ACTN2: variants seen among roughly 807,000 people sequenced by gnomAD.
The protein encoded by ACTN2 is actinin alpha 2.
In ACTN2, 39 loss-of-function variants were observed where a neutral mutation model predicts 113.8. The observed-to-expected ratio is 0.34, with a 90% CI of 0.27 to 0.45. The LOEUF (loss-of-function observed/expected upper bound fraction) is 0.45. ACTN2 is among the 20% of genes least tolerant of loss of function. The probability of loss-of-function intolerance (pLI) is 1.00; values close to 1 mark genes in which losing one functional copy is unlikely to be tolerated. For synonymous variants in ACTN2, 429 were observed against 444.1 expected (o/e 0.97, Z 0.43); for missense variants, 992 against 1,177.9 (o/e 0.84, Z 2.31).
At chr1:236,735,925 A>G (rs1658860698) in intron 8 of ACTN2, among the ~76,000 whole-genome samples, 1 of 152,074 alleles carries the variant, frequency 6.6e-6, no homozygotes, top group Admixed American at 6.5e-5. Flanking sequence ...AAATGTTTTT[A>G]TGTGTTTTAC....
At position 236,745,783 on chromosome 1, in the gene ACTN2, A is replaced by C. The variant is rs180813505; in HGVS notation, c.1406+1007A>C. 1.2e-3 allele frequency among the ~76,000 whole-genome samples: 181 copies of C among 152,280 alleles called. 1 individual carries two copies. Among genetic ancestry groups the C allele is most frequent in the African/African-American group, 4.1e-3 (170 of 41,554 alleles). ...TCCCCACCATTATAATCACTGATAC[A>C]TCTGTAGAATGTTTAGAGCCTGTCA... On this transcript the variant is annotated intron_variant, in intron 12 of 20. Coordinates refer to ENST00000366578, the MANE Select transcript of ACTN2 (RefSeq NM_001103.4).
intron 1 of ACTN2, among the ~76,000 whole-genome samples, chr1:236,713,097 A>G (rs1462437155): frequency 3.9e-5 from 6 of 152,106 alleles, no homozygotes; most frequent in African/African-American, 1.2e-4. Flanking sequence ...CAACCCAAAT[A>G]TTCGTTCATA....
chr1:236,760,923 G>A, intron 19 of ACTN2, 92 bp from the exon 20 acceptor site: 2 of 1,510,162 alleles, frequency 1.3e-6, no homozygotes, highest in African/African-American at 2.7e-5. Context: ...CAGACATAAA[G>A]GAATTGGCAT....
At chr1:236,752,519 G>T (rs910116267) in intron 15 of ACTN2, among the ~76,000 whole-genome samples, 3 of 134,918 alleles carry the variant, frequency 2.2e-5, no homozygotes, top group Admixed American at 7.6e-5. Context: ...GGGGGCGGGG[G>T]GAGGAAATAT....
At chr1:236,692,291 C>G (rs557461805) in intron 1 of ACTN2, among the ~76,000 whole-genome samples, 1 of 152,294 alleles carries the variant, frequency 6.6e-6, no homozygotes, top group South Asian at 2.1e-4. Context: ...ATGATCCTCC[C>G]CATTAGAGCT....
intron 10 of ACTN2, among the ~76,000 whole-genome samples, chr1:236,740,811 A>G (rs1354292867): frequency 6.6e-6 from 1 of 151,910 alleles, no homozygotes; most frequent in Non-Finnish European, 1.5e-5. Context: ...GATCATTTTT[A>G]TTTTTACATT....
intron 9 of ACTN2, among the ~76,000 whole-genome samples, chr1:236,737,522 C>T (rs1658925012): frequency 6.9e-6 from 1 of 144,278 alleles, no homozygotes; most frequent in Admixed American, 7.1e-5. Flanking sequence ...CAGGGTTGGA[C>T]ACCCCTAGAC....
chr1:236,753,025 A>C (rs770206726), intron 15 of ACTN2, among the ~76,000 whole-genome samples: 3 of 152,232 alleles, frequency 2.0e-5, no homozygotes, highest in Admixed American at 1.3e-4. Context: ...CATTGATTGA[A>C]AGAGAATGGA....
At chr1:236,753,895 C>G (rs566159749) in intron 15 of ACTN2, 52 bp from the exon 16 acceptor site, 32 of 973,668 alleles carry the variant, frequency 3.3e-5, no homozygotes, top group African/African-American at 5.5e-5. Flanking sequence ...TGTGGTTGTT[C>G]CTATGAGACC....
At position 236,736,999 on chromosome 1, in the gene ACTN2, T is replaced by G. The variant is rs1658897527; in HGVS notation, c.784-123T>G. The G allele has an allele frequency of 6.5e-6, 5 of 763,540 alleles. No individual in the cohort carries two copies. The South Asian group carries it at 7.3e-5, about 11-fold the overall frequency. The allele number at this position is 763,540 out of a possible 1,614,324, so 47.3% of individuals were successfully genotyped here. A position where few individuals can be genotyped will look rare whatever the true frequency, so the allele number is the denominator to read the frequency against. ...CCTTCAGTCTGACCGCACCCTAAGCTAGACTCTGCACCGTCTACAGCACGC... is the reference window on the plus strand; with the variant it reads ...CCTTCAGTCTGACCGCACCCTAAGCGAGACTCTGCACCGTCTACAGCACGC... On this transcript the variant is annotated intron_variant, in intron 8 of 20. Transcript: ENST00000366578.
chr1:236,735,525 A>C, intron 7 of ACTN2, 110 bp from the exon 8 acceptor site: 1 of 953,742 alleles, frequency 1.0e-6, no homozygotes, highest in Middle Eastern at 2.4e-4. Flanking sequence ...AAATCTGGTC[A>C]GTGTAAACCA....
At chr1:236,740,572 G>C (rs1251438483) in intron 10 of ACTN2, among the ~76,000 whole-genome samples, 1 of 149,614 alleles carries the variant, frequency 6.7e-6, no homozygotes, top group Non-Finnish European at 1.5e-5. Flanking sequence ...TCACTTTGTT[G>C]CCCAGGCTGG....
At chr1:236,687,218 A>G (rs972456591) in intron 1 of ACTN2, among the ~76,000 whole-genome samples, 8 of 152,082 alleles carry the variant, frequency 5.3e-5, no homozygotes, top group African/African-American at 9.7e-5. Flanking sequence ...CTTCATTGCA[A>G]TTTCCACCGG....
chr1:236,699,188 C>T (rs1468975184), intron 1 of ACTN2, among the ~76,000 whole-genome samples: 2 of 152,118 alleles, frequency 1.3e-5, no homozygotes, highest in African/African-American at 2.4e-5. Context: ...TGTAACCAAC[C>T]CAGAGCAGAA....
In ACTN2 at chr1:236,758,266, T is replaced by C. The variant is rs114878765; in HGVS notation, c.2301+634T>C. 2.7e-3 allele frequency among the ~76,000 whole-genome samples: 399 copies of C among 150,434 alleles called. 3 individuals are homozygous for C. Among genetic ancestry groups the C allele is most frequent in the African/African-American group, 9.3e-3 (375 of 40,188 alleles). On this transcript the variant is annotated intron_variant, in intron 18 of 20. Coordinates refer to ENST00000366578, the MANE Select transcript of ACTN2 (RefSeq NM_001103.4). ...TCCTGTGGCTGGAAGTGAGTGACTA[T>C]TAAGGCACACTCCAATTCTTTTCTT...
At chr1:236,698,224 TAA>T (rs11439443) in intron 1 of ACTN2, among the ~76,000 whole-genome samples, 1 of 147,366 alleles carries the variant, frequency 6.8e-6, no homozygotes, top group Admixed American at 6.7e-5. Flanking sequence ...TAAGATGCCT[TAA>T]AAAAAAAAAA....
chr1:236,751,378 A>T (rs1041993569), intron 14 of ACTN2, 92 bp from the exon 15 acceptor site: 2 of 1,446,334 alleles, frequency 1.4e-6, no homozygotes, highest in African/African-American at 2.8e-5. Flanking sequence ...GCAATCATCA[A>T]GGCATTTACT....
chr1:236,695,440 A>G (rs1231281175), intron 1 of ACTN2, among the ~76,000 whole-genome samples: 1 of 151,418 alleles, frequency 6.6e-6, no homozygotes, highest in Non-Finnish European at 1.5e-5. Context: ...AACATCAATA[A>G]TTGGAATTTA....
intron 1 of ACTN2, among the ~76,000 whole-genome samples, chr1:236,712,340 T>C (rs12403616): frequency 0.17 from 26,538 of 152,152 alleles, 2,376 homozygotes; most frequent in South Asian, 0.24. Context: ...CTGGGCTCTT[T>C]ATAAGCTATT....
Sources: gnomAD v4.1 joint callset for allele counts (sites outside exome capture counted in the v4.1 genomes callset) on GRCh38, gnomAD v4.1.1 for gene constraint, MANE v1.5 for transcripts, NCBI Gene and HGNC (gene_info 2026-07-23, HGNC 2026-07-21) for gene names.